KCNT2: variants seen among roughly 807,000 people sequenced by gnomAD.
The protein encoded by KCNT2 is potassium sodium-activated channel subfamily T member 2.
In KCNT2, 67 loss-of-function variants were observed where a neutral mutation model predicts 153.8. That is an observed-to-expected ratio of 0.44 (90% CI 0.36 to 0.53). The LOEUF (loss-of-function observed/expected upper bound fraction) is 0.53. Among genes scored for constraint, KCNT2 ranks in the 20% least tolerant of loss-of-function variants. The pLI is 0.00. For missense variants in KCNT2, 975 were observed against 1,354.8 expected (o/e 0.72, Z 4.40); for synonymous variants, 500 against 458.8 (o/e 1.09, Z -1.15).
intron 1 of KCNT2, among the ~76,000 whole-genome samples, chr1:196,499,602 T>C (rs1361180495): frequency 1.3e-5 from 2 of 152,242 alleles, no homozygotes; most frequent in Admixed American, 1.3e-4. Context: ...CTTCCTTATG[T>C]TATAACATCT....
At chr1:196,416,183 T>A (rs76869331) in intron 12 of KCNT2, among the ~76,000 whole-genome samples, 1 of 152,096 alleles carries the variant, frequency 6.6e-6, no homozygotes, top group East Asian at 1.9e-4. Context: ...TCTTGAAGTA[T>A]TGCAGTGCTT....
At chr1:196,446,318 C>T (rs1675682984) in intron 8 of KCNT2, among the ~76,000 whole-genome samples, 1 of 151,374 alleles carries the variant, frequency 6.6e-6, no homozygotes, top group South Asian at 2.1e-4. Context: ...TAACATTTAA[C>T]GGTCATTATT....
intron 13 of KCNT2, among the ~76,000 whole-genome samples, chr1:196,386,250 C>T (rs983500444): frequency 5.9e-5 from 9 of 152,268 alleles, no homozygotes; most frequent in Admixed American, 5.2e-4. Context: ...TAACCTACAT[C>T]TTCATTGTAA....
At chr1:196,324,594 T>C (rs540719082) in intron 19 of KCNT2, among the ~76,000 whole-genome samples, 3 of 152,174 alleles carry the variant, frequency 2.0e-5, no homozygotes, top group African/African-American at 4.8e-5. Context: ...AAATGTAAAG[T>C]AAAGTGTGTA....
At chr1:196,457,554 T>C (rs1017003749) in intron 8 of KCNT2, among the ~76,000 whole-genome samples, 4 of 146,190 alleles carry the variant, frequency 2.7e-5, no homozygotes, top group South Asian at 2.1e-4. Context: ...CTGAAGTCAC[T>C]CTGGTGTGAC....
chr1:196,552,796 A>G (rs537990385), intron 1 of KCNT2, among the ~76,000 whole-genome samples: 4 of 151,368 alleles, frequency 2.6e-5, no homozygotes, highest in African/African-American at 9.7e-5. Context: ...TAGAGTTTTT[A>G]ATAGTTTTTT....
intron 25 of KCNT2, among the ~76,000 whole-genome samples, chr1:196,274,054 T>G (rs1028739760): frequency 6.6e-6 from 1 of 151,672 alleles, no homozygotes; most frequent in African/African-American, 2.4e-5. Flanking sequence ...TATTTTTTAA[T>G]TTCAGATCTT....
At chr1:196,248,048 A>G (rs187685271) in intron 26 of KCNT2, among the ~76,000 whole-genome samples, 4 of 152,324 alleles carry the variant, frequency 2.6e-5, no homozygotes, top group African/African-American at 9.6e-5. Flanking sequence ...TTGAATGACC[A>G]ATGGCTCAAT....
At chr1:196,348,366 A>G (rs1666318694) in intron 14 of KCNT2, among the ~76,000 whole-genome samples, 1 of 152,180 alleles carries the variant, frequency 6.6e-6, no homozygotes, top group South Asian at 2.1e-4. Context: ...AAAATTATGA[A>G]AAACCATTTA....
chr1:196,519,767 C>G (rs1190249073), intron 1 of KCNT2, among the ~76,000 whole-genome samples: 1 of 151,984 alleles, frequency 6.6e-6, no homozygotes, highest in Non-Finnish European at 1.5e-5. Context: ...CCTGAACAGA[C>G]CAAAAATGAG....
At chr1:196,244,427 G>T (rs769514131) in intron 26 of KCNT2, among the ~76,000 whole-genome samples, 2 of 152,080 alleles carry the variant, frequency 1.3e-5, no homozygotes, top group African/African-American at 4.8e-5. Flanking sequence ...TGGGCTCTTG[G>T]TCAGCATTTC....
chr1:196,353,577 CT>C (rs1028365506), intron 14 of KCNT2, among the ~76,000 whole-genome samples: 2 of 151,880 alleles, frequency 1.3e-5, no homozygotes, highest in Non-Finnish European at 2.9e-5. Flanking sequence ...GTTCCATTAA[CT>C]TTTGGATTGT....
At chr1:196,425,323 G>C (rs1385257019) in intron 11 of KCNT2, among the ~76,000 whole-genome samples, 2 of 151,948 alleles carry the variant, frequency 1.3e-5, no homozygotes, top group Non-Finnish European at 2.9e-5. Flanking sequence ...AGCTAAGTAA[G>C]TCCTGTCACC....
chr1:196,244,529 T>C (rs1655252315), intron 26 of KCNT2, among the ~76,000 whole-genome samples: 1 of 152,108 alleles, frequency 6.6e-6, no homozygotes, highest in Non-Finnish European at 1.5e-5. Context: ...GAAGAGCATG[T>C]GGGCCTTGAA....
chr1:196,261,343 C>T (rs777072261), intron 25 of KCNT2, among the ~76,000 whole-genome samples: 33 of 151,780 alleles, frequency 2.2e-4, no homozygotes, highest in Non-Finnish European at 3.7e-4. Flanking sequence ...TTTCCATTTC[C>T]CTCTCTAAAA....
chr1:196,233,773 A>G lies in KCNT2; in HGVS notation c.3296+2213T>C, dbSNP rs371825796. ...TGTTAAATGAAATAAGCCACAGAAA[A>G]ACAACATAGTCAGTGTTAAGAGAAA... On this transcript the variant is annotated intron_variant, in intron 27 of 27. Coordinates refer to ENST00000294725, the MANE Select transcript of KCNT2 (RefSeq NM_198503.5). 2.0e-5 allele frequency among the ~76,000 whole-genome samples: 3 copies of G among 151,520 alleles called. No individual in the cohort carries two copies. The East Asian group carries it at 5.8e-4, about 29-fold the overall frequency.
chr1:196,282,574 T>C (rs1659217433), intron 23 of KCNT2, among the ~76,000 whole-genome samples: 2 of 152,160 alleles, frequency 1.3e-5, no homozygotes, highest in South Asian at 4.1e-4. Flanking sequence ...CAGGAAATAA[T>C]TTTTGTCTAG....
At chr1:196,603,772 G>A (rs1210005383) in intron 1 of KCNT2, among the ~76,000 whole-genome samples, 1 of 152,102 alleles carries the variant, frequency 6.6e-6, no homozygotes, top group Admixed American at 6.5e-5. Context: ...TCTCTTCTAT[G>A]GCTACAACTG....
At chr1:196,456,059 G>C (rs546834864) in intron 8 of KCNT2, among the ~76,000 whole-genome samples, 81 of 152,108 alleles carry the variant, frequency 5.3e-4, no homozygotes, top group African/African-American at 1.9e-3. Context: ...TCTAGTCTCA[G>C]GCTCTCCAGT....
Sources: gnomAD v4.1 joint callset for allele counts (sites outside exome capture counted in the v4.1 genomes callset) on GRCh38, gnomAD v4.1.1 for gene constraint, MANE v1.5 for transcripts, NCBI Gene and HGNC (gene_info 2026-07-23, HGNC 2026-07-21) for gene names.